ALDH1A1: variants seen among roughly 807,000 people sequenced by gnomAD.
ALDH1A1 encodes the protein aldehyde dehydrogenase 1 family member A1.
In ALDH1A1, 19 loss-of-function variants were observed where a neutral mutation model predicts 62.1. The observed-to-expected ratio is 0.31, with a 90% CI of 0.21 to 0.45. ALDH1A1 has a LOEUF of 0.45. ALDH1A1 is among the 20% of genes least tolerant of loss of function. The probability of loss-of-function intolerance (pLI) is 1.00; values close to 1 mark genes in which losing one functional copy is unlikely to be tolerated. For missense variants in ALDH1A1, 521 were observed against 607.1 expected, an observed-to-expected ratio of 0.86 and a Z score of 1.49; for synonymous variants, 231 against 215.9, an observed-to-expected ratio of 1.07 and a Z score of -0.61.
intron 9 of ALDH1A1, among the ~76,000 whole-genome samples, chr9:72,912,517 G>T (rs1222496821): frequency 1.3e-5 from 2 of 152,138 alleles, no homozygotes; most frequent in African/African-American, 4.8e-5. Context: ...ACAGAACTTT[G>T]ATACTGAGTT....
intron 1 of ALDH1A1, 33 bp from the exon 2 acceptor site, chr9:72,940,285 G>T: frequency 6.6e-7 from 1 of 1,511,558 alleles, no homozygotes; most frequent in Non-Finnish European, 9.2e-7. Context: ...CATACAAGGC[G>T]CTTAAATATG....
At chr9:72,923,998 G>T in intron 7 of ALDH1A1, 21 bp downstream of exon 7, 2 of 1,523,298 alleles carry the variant, frequency 1.3e-6, no homozygotes, top group Non-Finnish European at 9.0e-7. Flanking sequence ...CTTAACTTTT[G>T]CCCTGAGTAA....
rs985216354 is a variant in ALDH1A1 at position 72,924,146 on chromosome 9, A to T, written c.634-14T>A. On this transcript the variant is annotated splice_polypyrimidine_tract_variant and intron_variant, in intron 6 of 12. Transcript: ENST00000297785. The stretch of plus-strand genomic sequence containing the variant: ...AGGAAACCCTGCCTAAAAGATAAAA[A>T]GTTTAAAAGTTACAGTATAAGAATT... The T allele has an allele frequency of 1.3e-5, 21 of 1,571,216 alleles. No individual in the cohort carries two copies. Among genetic ancestry groups the T allele is most frequent in the Admixed American group, 1.8e-5 (1 of 55,316 alleles).
chr9:72,939,158 C>T (rs190486094), intron 2 of ALDH1A1, among the ~76,000 whole-genome samples: 40 of 152,266 alleles, frequency 2.6e-4, no homozygotes, highest in African/African-American at 9.4e-4. Context: ...TTAGCAATGT[C>T]ACCTTGAGTA....
intron 5 of ALDH1A1, 55 bp downstream of exon 5, chr9:72,927,061 A>G: frequency 3.9e-6 from 5 of 1,267,478 alleles, no homozygotes; most frequent in Non-Finnish European, 5.6e-6. Flanking sequence ...TCATCATTAG[A>G]TAGAATAAGA....
At chr9:72,902,432 A>G (rs1829817457) in intron 12 of ALDH1A1, among the ~76,000 whole-genome samples, 1 of 152,000 alleles carries the variant, frequency 6.6e-6, no homozygotes, top group Non-Finnish European at 1.5e-5. Context: ...TGGGTAACCT[A>G]ATACTCTTAC....
intron 2 of ALDH1A1, among the ~76,000 whole-genome samples, chr9:72,933,549 T>G (rs1466632472): frequency 7.6e-6 from 1 of 130,964 alleles, no homozygotes; most frequent in Non-Finnish European, 1.5e-5. Context: ...ATTGCACCAC[T>G]GCACTCCAGC....
chr9:72,935,460 C>A (rs921531695), intron 2 of ALDH1A1, among the ~76,000 whole-genome samples: 5 of 152,154 alleles, frequency 3.3e-5, no homozygotes, highest in African/African-American at 1.2e-4. Flanking sequence ...CCATCACTCC[C>A]AGATGGTACA....
At chr9:72,952,836 G>C (rs1198479088) in intron 1 of ALDH1A1, 99 bp downstream of exon 1, 14 of 1,337,690 alleles carry the variant, frequency 1.0e-5, no homozygotes, top group Non-Finnish European at 1.4e-5. Context: ...ATTTGCAAAG[G>C]GCTCTTTACA....
chr9:72,909,651 T>G lies in ALDH1A1; in HGVS notation c.1309A>C (p.Ile437Leu), dbSNP rs756849804. The G allele has an allele frequency of 3.1e-6, 5 of 1,613,970 alleles. No homozygotes were observed. The highest frequency in any genetic ancestry group is 4.2e-6 in the Non-Finnish European group (5 of 1,179,958). ...GLSAGVFTKD[I>L]DKAITISSAL... ...GAGGAGATTGTTATGGCTTTATCAA[T>G]GTCTTTGGTAAACACTCCTGCTGAT... The change falls in exon 11 of 13, where the codon ATT becomes CTT. Residue 437 changes from isoleucine to leucine, a missense_variant. Coordinates refer to ENST00000297785, the MANE Select transcript of ALDH1A1 (RefSeq NM_000689.5).
At chr9:72,931,810 G>A (rs900915026) in intron 2 of ALDH1A1, among the ~76,000 whole-genome samples, 7 of 152,198 alleles carry the variant, frequency 4.6e-5, no homozygotes, top group East Asian at 1.9e-4. Context: ...TCCCTAATCC[G>A]ATAAAGAAGT....
chr9:72,947,593 A>G (rs778636034), intron 1 of ALDH1A1, among the ~76,000 whole-genome samples: 1 of 151,926 alleles, frequency 6.6e-6, no homozygotes, highest in African/African-American at 2.4e-5. Context: ...CTCTTAGGAT[A>G]TGTGTTATTT....
At chr9:72,948,526 A>G (rs539716770) in intron 1 of ALDH1A1, among the ~76,000 whole-genome samples, 4 of 151,978 alleles carry the variant, frequency 2.6e-5, no homozygotes, top group African/African-American at 9.6e-5. Context: ...GCATGTGGTA[A>G]GACCTCTGGA....
chr9:72,907,336 C>G (rs984500697), intron 11 of ALDH1A1, among the ~76,000 whole-genome samples: 2 of 152,154 alleles, frequency 1.3e-5, no homozygotes, highest in Non-Finnish European at 2.9e-5. Flanking sequence ...AAACACCAAG[C>G]AGCTATTAGG....
intron 1 of ALDH1A1, among the ~76,000 whole-genome samples, chr9:72,951,608 T>C (rs145369782): frequency 6.3e-4 from 96 of 152,050 alleles, no homozygotes; most frequent in African/African-American, 2.2e-3. Flanking sequence ...CCACTTTCAA[T>C]TGAAATTTCT....
chr9:72,905,580 G>A (rs183938107), intron 12 of ALDH1A1, among the ~76,000 whole-genome samples: 1 of 152,002 alleles, frequency 6.6e-6, no homozygotes, highest in Non-Finnish European at 1.5e-5. Flanking sequence ...CAAATAACTA[G>A]AGTGTTTACA....
chr9:72,928,039 A>G (rs978635421), intron 4 of ALDH1A1, among the ~76,000 whole-genome samples: 4 of 147,996 alleles, frequency 2.7e-5, no homozygotes, highest in African/African-American at 9.9e-5. Context: ...GTCCCGGAGT[A>G]AAGTAGGACA....
intron 10 of ALDH1A1, 88 bp downstream of exon 10, chr9:72,911,870 A>G: frequency 7.0e-7 from 1 of 1,428,342 alleles, no homozygotes; most frequent in South Asian, 1.2e-5. Flanking sequence ...TGTTCCAAAG[A>G]GCTGGGAATT....
intron 6 of ALDH1A1, among the ~76,000 whole-genome samples, chr9:72,924,685 G>C (rs1252564728): frequency 6.6e-6 from 1 of 152,130 alleles, no homozygotes; most frequent in Non-Finnish European, 1.5e-5. Context: ...TCAGGTGAAG[G>C]CATGGGAACT....
Sources: gnomAD v4.1 joint callset for allele counts (sites outside exome capture counted in the v4.1 genomes callset) on GRCh38, gnomAD v4.1.1 for gene constraint, MANE v1.5 for transcripts, NCBI Gene and HGNC (gene_info 2026-07-23, HGNC 2026-07-21) for gene names.